The following TRAPPC9 variants were observed in gnomAD, a reference collection of about 807,000 sequenced individuals.
TRAPPC9 encodes IKK2 binding protein.
TRAPPC9 carries 83 observed loss-of-function variants against 124.0 expected under a neutral mutation model. That is an observed-to-expected ratio of 0.67 (90% CI 0.56 to 0.80). The LOEUF (loss-of-function observed/expected upper bound fraction) is 0.80, where lower values mean the gene tolerates loss of function less well. TRAPPC9 is among the 30% of genes least tolerant of loss of function. The pLI, the probability that TRAPPC9 is intolerant of heterozygous loss-of-function variation, is 0.00. For missense variants in TRAPPC9, 1,302 were observed against 1,508.3 expected (o/e 0.86, Z 2.27); for synonymous variants, 638 against 617.5 (o/e 1.03, Z -0.49).
At chr8:139,740,113 T>C (rs1212741022) in intron 21 of TRAPPC9, among the ~76,000 whole-genome samples, 3 of 152,216 alleles carry the variant, frequency 2.0e-5, no homozygotes, top group African/African-American at 7.2e-5. Flanking sequence ...GGCCCACAGA[T>C]GACTTATGCA....
chr8:139,984,758 C>T lies in TRAPPC9; in HGVS notation c.2810+3968G>A, dbSNP rs1026454934. Among the ~76,000 whole-genome samples, 3 of 152,166 alleles carry T rather than the reference C, an allele frequency of 2.0e-5. No individual in the cohort carries two copies. Among genetic ancestry groups the T allele is most frequent in the Non-Finnish European group, 4.4e-5 (3 of 68,038 alleles). The stretch of plus-strand genomic sequence containing the variant: ...GGAAAGGGAGGGGAGGGGAATCATG[C>T]ATTCTAGGGCTCAGGGCAGAGTTGC... On this transcript the variant is annotated intron_variant, in intron 19 of 22. Transcript: ENST00000438773. This position sits in a 1 kb window ranked among gnomAD's most constrained non-coding sequence, Gnocchi z 4.3.
chr8:139,804,146 CCCACCACCACCACCAAGCA>C (rs1461680824), intron 21 of TRAPPC9, among the ~76,000 whole-genome samples: 1 of 129,172 alleles, frequency 7.7e-6, no homozygotes, highest in Non-Finnish European at 1.7e-5. Flanking sequence ...CCCACCACCA[CCCACCACCACCACCAAGCA>C]CCACCACCAC....
rs1360531492 is a variant in TRAPPC9 at position 140,216,892 on chromosome 8, C to A, written c.2556+4567G>T. Among the ~76,000 whole-genome samples, 1 of 152,160 alleles carries A rather than the reference C, an allele frequency of 6.6e-6. No individual in the cohort carries two copies. Among genetic ancestry groups the A allele is most frequent in the Non-Finnish European group, 1.5e-5 (1 of 68,026 alleles). ...TTTTTCTTGTTTTATTTACTTGTAT[C>A]TTAGCCACCAGCCCAGGAGTTCCAT... On this transcript the variant is annotated intron_variant, in intron 17 of 22. Coordinates refer to ENST00000438773, the MANE Select transcript of TRAPPC9 (RefSeq NM_001160372.4). This position sits in a 1 kb window ranked among gnomAD's most constrained non-coding sequence, Gnocchi z 4.1.
At chr8:140,299,201 C>T (rs2065895740) in intron 11 of TRAPPC9, among the ~76,000 whole-genome samples, 1 of 152,192 alleles carries the variant, frequency 6.6e-6, no homozygotes, top group African/African-American at 2.4e-5. Flanking sequence ...TTGGAACAAG[C>T]CTGTTTCTTT....
chr8:140,161,381 T>C (rs2061748401), intron 17 of TRAPPC9, among the ~76,000 whole-genome samples: 1 of 150,790 alleles, frequency 6.6e-6, no homozygotes, highest in South Asian at 2.1e-4. Flanking sequence ...AGGTATCCCC[T>C]AACTGAAATG....
At chr8:139,753,639 G>A (rs1819510144) in intron 21 of TRAPPC9, among the ~76,000 whole-genome samples, 1 of 152,188 alleles carries the variant, frequency 6.6e-6, no homozygotes, top group African/African-American at 2.4e-5. Context: ...CTCCCCTGAG[G>A]CCTTGATCAT....
At chr8:139,975,530 C>A (rs1836382588) in intron 19 of TRAPPC9, among the ~76,000 whole-genome samples, 1 of 152,130 alleles carries the variant, frequency 6.6e-6, no homozygotes, top group South Asian at 2.1e-4. Flanking sequence ...ACAGAGAAAC[C>A]CCAAAAGACA....
chr8:139,864,256 T>C (rs1587020090), intron 21 of TRAPPC9, among the ~76,000 whole-genome samples: 1 of 152,174 alleles, frequency 6.6e-6, no homozygotes. Context: ...ATTACTCTTA[T>C]CTCTACCAAC....
intron 18 of TRAPPC9, among the ~76,000 whole-genome samples, chr8:140,015,617 T>A (rs1839414246): frequency 6.6e-6 from 1 of 150,610 alleles, no homozygotes; most frequent in African/African-American, 2.5e-5. Context: ...GGTGAAACCC[T>A]GTCTCTACTA....
chr8:140,298,153 T>C (rs1408143614), intron 11 of TRAPPC9, among the ~76,000 whole-genome samples: 3 of 152,292 alleles, frequency 2.0e-5, no homozygotes, highest in East Asian at 3.9e-4. Flanking sequence ...ATAAAAGAAA[T>C]GATTACCATT....
Position 140,247,494 on chromosome 8 carries a change from T to C in TRAPPC9, c.2431+5283A>G, listed in dbSNP as rs78570978. 7.8e-3 allele frequency among the ~76,000 whole-genome samples: 1,181 copies of C among 151,302 alleles called. 23 individuals are homozygous for C. The highest frequency in any genetic ancestry group is 0.027 in the African/African-American group (1,103 of 40,732). On this transcript the variant is annotated intron_variant, in intron 16 of 22. Coordinates refer to ENST00000438773, the MANE Select transcript of TRAPPC9 (RefSeq NM_001160372.4). ...TAAGTCCAGTAATATAACTAGAATA[T>C]GTCCCGCTCATTCTAAGTCAAGATT...
intron 18 of TRAPPC9, among the ~76,000 whole-genome samples, chr8:140,003,469 C>T (rs748570636): frequency 3.3e-5 from 5 of 151,730 alleles, no homozygotes; most frequent in Non-Finnish European, 4.4e-5. Flanking sequence ...GCATGTGGTG[C>T]CGTGCGCCTG....
chr8:139,978,122 C>G (rs948913550), intron 19 of TRAPPC9, among the ~76,000 whole-genome samples: 2 of 152,220 alleles, frequency 1.3e-5, no homozygotes, highest in African/African-American at 4.8e-5. Flanking sequence ...AAGGGATCCT[C>G]CCACCTTGGC....
chr8:140,444,685 A>AC lies in TRAPPC9; in HGVS notation c.585-5489dup, dbSNP rs35123329. On this transcript the variant is annotated intron_variant, in intron 2 of 22. Transcript: ENST00000438773. ...AGACCAGCCTAGCCAACATGGTGAGACCCCCCCCATCTCTACTAAAAATAC... is the reference window on the plus strand; with the variant it reads ...AGACCAGCCTAGCCAACATGGTGAGACCCCCCCCCATCTCTACTAAAAATAC... Among the ~76,000 whole-genome samples, 399 of 150,448 alleles carry AC rather than the reference A, an allele frequency of 2.7e-3. 2 individuals are homozygous for AC. The highest frequency in any genetic ancestry group is 2.7e-3 in the Admixed American group (40 of 15,062).
intron 19 of TRAPPC9, among the ~76,000 whole-genome samples, chr8:139,955,214 C>T (rs879335789): frequency 6.6e-5 from 10 of 152,244 alleles, no homozygotes; most frequent in East Asian, 5.8e-4. Context: ...CTCACCTCCC[C>T]GTTTCTGGTA....
intron 20 of TRAPPC9, among the ~76,000 whole-genome samples, chr8:139,905,430 G>A (rs143823145): frequency 1.1e-3 from 165 of 152,316 alleles, no homozygotes; most frequent in Non-Finnish European, 1.8e-3. Flanking sequence ...TGGCGTGTGC[G>A]TGACAGGAAG....
At chr8:139,843,649 T>A (rs1178291520) in intron 21 of TRAPPC9, among the ~76,000 whole-genome samples, 1 of 152,032 alleles carries the variant, frequency 6.6e-6, no homozygotes, top group Non-Finnish European at 1.5e-5. Context: ...GGAGGGGGCA[T>A]CAAGAGAAAG....
chr8:139,997,546 G>A lies in TRAPPC9; in HGVS notation c.2700-8710C>T, dbSNP rs187735837. ...GGGAGACAATGCATCCTACACAGAA[G>A]AGACAACGCATCCTACCCAGGGGAA... On this transcript the variant is annotated intron_variant, in intron 18 of 22. Coordinates refer to ENST00000438773, the MANE Select transcript of TRAPPC9 (RefSeq NM_001160372.4). 7.6e-3 allele frequency among the ~76,000 whole-genome samples: 1,047 copies of A among 136,886 alleles called. 8 individuals carry two copies. Among genetic ancestry groups the A allele is most frequent in the Non-Finnish European group, 0.011 (737 of 64,952 alleles). The allele number at this position is 136,886 out of a possible 152,430, so 89.8% of individuals were successfully genotyped here. A position where few individuals can be genotyped will look rare whatever the true frequency, so the allele number is the denominator to read the frequency against.
chr8:140,345,875 AC>A (rs1420644094), intron 9 of TRAPPC9, among the ~76,000 whole-genome samples: 1 of 152,152 alleles, frequency 6.6e-6, no homozygotes, highest in East Asian at 1.9e-4. Flanking sequence ...CTGGAGATGG[AC>A]CACCTGGGGC....
Sources: allele counts gnomAD v4.1 joint callset (sites outside exome capture counted in the v4.1 genomes callset), GRCh38; gene constraint gnomAD v4.1.1; non-coding constraint Gnocchi (gnomAD v3.1); transcripts MANE v1.5; gene names NCBI Gene and HGNC (gene_info 2026-07-23, HGNC 2026-07-21).